TG: variants seen among roughly 807,000 people sequenced by gnomAD.
The protein encoded by TG is thyroglobulin.
Under a neutral mutation model 324.7 loss-of-function variants are expected in TG, and 270 were observed. The observed-to-expected ratio is 0.83, with a 90% CI of 0.75 to 0.92. The LOEUF (loss-of-function observed/expected upper bound fraction) is 0.92, where lower values mean the gene tolerates loss of function less well. Among genes scored for constraint, TG ranks in the 40% least tolerant of loss-of-function variants. TG has a pLI of 0.00. For missense variants in TG, 3,591 were observed against 3,456.4 expected (o/e 1.04, Z -0.98); for synonymous variants, 1,401 against 1,327.0 (o/e 1.06, Z -1.21).
At chr8:133,109,852 G>A (rs905589547) in intron 43 of TG, among the ~76,000 whole-genome samples, 9 of 152,100 alleles carry the variant, frequency 5.9e-5, no homozygotes, top group Non-Finnish European at 1.2e-4. Context: ...AAATGGCATT[G>A]CACAGGGAGG....
chr8:133,103,648 G>A (rs1465792336), intron 43 of TG, among the ~76,000 whole-genome samples: 1 of 152,182 alleles, frequency 6.6e-6, no homozygotes, highest in Non-Finnish European at 1.5e-5. Flanking sequence ...AGACTTTTGT[G>A]AGTTCCTAAA....
At chr8:133,034,073 C>T (rs1490215310) in intron 41 of TG, among the ~76,000 whole-genome samples, 1 of 152,170 alleles carries the variant, frequency 6.6e-6, no homozygotes, top group Non-Finnish European at 1.5e-5. Flanking sequence ...GCATGCTATG[C>T]TTGTCTATTC....
chr8:132,966,453 T>C (rs1346160428), intron 29 of TG, 107 bp from the exon 30 acceptor site: 1 of 1,320,200 alleles, frequency 7.6e-7, no homozygotes, highest in African/African-American at 1.8e-5. Flanking sequence ...ACTTTCTCTC[T>C]CTGTCTCTCT....
intron 41 of TG, among the ~76,000 whole-genome samples, chr8:133,041,312 G>T (rs150522363): frequency 3.0e-4 from 46 of 152,318 alleles, no homozygotes; most frequent in African/African-American, 9.9e-4. Context: ...CCTTGCCAAA[G>T]AACAAAAGGA....
At position 133,022,095 on chromosome 8, in the gene TG, C is replaced by T. The variant is rs907425633; in HGVS notation, c.6981C>T (p.Asn2327=). 1.9e-5 allele frequency: 31 copies of T among 1,614,028 alleles called. No homozygotes were observed. The highest frequency in any genetic ancestry group is 2.5e-5 in the Non-Finnish European group (29 of 1,180,046). The part of the protein sequence containing the change: ...IDGSFLAAVG[N]LIVVTASYRV... Reference sequence around the variant, plus strand: ...GCTCCTTCTTGGCTGCTGTTGGCAACCTCATCGTGGTCACTGCCAGCTACC... The same window carrying T: ...GCTCCTTCTTGGCTGCTGTTGGCAATCTCATCGTGGTCACTGCCAGCTACC... The change falls in exon 40 of 48, where the codon AAC becomes AAT. Residue 2327 remains asparagine (N), a synonymous_variant. Coordinates refer to ENST00000220616, the MANE Select transcript of TG (RefSeq NM_003235.5).
chr8:132,984,493 A>T (rs989603980), intron 35 of TG, among the ~76,000 whole-genome samples: 13 of 152,202 alleles, frequency 8.5e-5, no homozygotes, highest in Non-Finnish European at 1.8e-4. Context: ...GCCATGTCAG[A>T]TGGTGGAGTA....
chr8:132,991,732 G>T (rs924189534), intron 35 of TG, among the ~76,000 whole-genome samples: 88 of 152,144 alleles, frequency 5.8e-4, no homozygotes, highest in African/African-American at 2.0e-3. Flanking sequence ...CTCAGCACGC[G>T]GGAACTCCAC....
intron 40 of TG, among the ~76,000 whole-genome samples, chr8:133,027,078 G>A (rs1836163960): frequency 1.3e-5 from 2 of 152,332 alleles, no homozygotes; most frequent in South Asian, 4.1e-4. Flanking sequence ...ACTGCAGCCG[G>A]CTGGTGTGGT....
intron 11 of TG, among the ~76,000 whole-genome samples, chr8:132,896,073 G>C (rs531977192): frequency 6.6e-6 from 1 of 152,256 alleles, no homozygotes; most frequent in Admixed American, 6.5e-5. Context: ...AATGAGCGTG[G>C]CGAAGGCCAT....
intron 21 of TG, among the ~76,000 whole-genome samples, chr8:132,921,524 T>C (rs1366822062): frequency 1.3e-5 from 2 of 152,236 alleles, no homozygotes; most frequent in Non-Finnish European, 2.9e-5. Flanking sequence ...TTAGATGGAA[T>C]TGTACTGAAG....
chr8:132,893,256 ATG>A (rs1816559055), intron 10 of TG, among the ~76,000 whole-genome samples: 1 of 97,978 alleles, frequency 1.0e-5, no homozygotes, highest in South Asian at 3.5e-4. Context: ...TGTGGTGTGT[ATG>A]TGTGTGGTGT....
Position 133,063,373 on chromosome 8 carries a change from C to T in TG, c.7240-31671C>T. Among the ~76,000 whole-genome samples the T allele has an allele frequency of 2.0e-5, 3 of 151,892 alleles. 1 individual carries two copies. On this transcript the variant is annotated intron_variant, in intron 41 of 47. Transcript: ENST00000220616. ...TCTCCCCTCCTTTATGTCAACCATT[C>T]CAGAAAACAAGTCAGAACAAGATTT...
At chr8:133,093,617 C>T (rs1847932799) in intron 41 of TG, among the ~76,000 whole-genome samples, 1 of 152,194 alleles carries the variant, frequency 6.6e-6, no homozygotes, top group Non-Finnish European at 1.5e-5. Context: ...TCCCCCAATT[C>T]CATGCACTTG....
chr8:133,070,452 C>T (rs903940049), intron 41 of TG, among the ~76,000 whole-genome samples: 11 of 152,216 alleles, frequency 7.2e-5, no homozygotes, highest in Admixed American at 2.0e-4. Context: ...TTAAAATACA[C>T]GGACTCATTT....
intron 35 of TG, among the ~76,000 whole-genome samples, chr8:132,985,947 G>T (rs1479086744): frequency 1.3e-5 from 2 of 151,912 alleles, no homozygotes; most frequent in Non-Finnish European, 2.9e-5. Context: ...CATTTTGCAG[G>T]GGGTTGTGGA....
intron 40 of TG, among the ~76,000 whole-genome samples, chr8:133,028,471 C>G (rs1243300988): frequency 6.6e-6 from 1 of 152,228 alleles, no homozygotes; most frequent in African/African-American, 2.4e-5. Flanking sequence ...GACAAGAACA[C>G]TCTGCTAAGA....
intron 41 of TG, among the ~76,000 whole-genome samples, chr8:133,069,137 T>C (rs572301147): frequency 6.6e-6 from 1 of 152,310 alleles, no homozygotes; most frequent in South Asian, 2.1e-4. Context: ...AAGGTGGAGG[T>C]AGATGGAAAC....
intron 23 of TG, among the ~76,000 whole-genome samples, chr8:132,933,039 C>T (rs1006833098): frequency 1.6e-4 from 24 of 152,272 alleles, no homozygotes; most frequent in Middle Eastern, 3.4e-3. Context: ...AGTGCCTGAA[C>T]GGAGCTGTGC....
Position 133,026,866 on chromosome 8 carries a change from C to T in TG, c.7037-2955C>T, listed in dbSNP as rs531205045. ...ATCAGCAACATAACGTTAGAACCTA[C>T]ACTTGTTCTATTTTATTAAAAATTA... is the stretch of plus-strand genomic sequence containing the variant. On this transcript the variant is annotated intron_variant, in intron 40 of 47. Coordinates refer to ENST00000220616, the MANE Select transcript of TG (RefSeq NM_003235.5). 9.8e-5 allele frequency among the ~76,000 whole-genome samples: 15 copies of T among 152,368 alleles called. 1 individual carries two copies. Among genetic ancestry groups the T allele is most frequent in the Admixed American group, 8.5e-4 (13 of 15,310 alleles).
Sources: gnomAD v4.1 joint callset for allele counts (sites outside exome capture counted in the v4.1 genomes callset) on GRCh38, gnomAD v4.1.1 for gene constraint, MANE v1.5 for transcripts, NCBI Gene and HGNC (gene_info 2026-07-23, HGNC 2026-07-21) for gene names.